GPHN: variants seen among roughly 807,000 people sequenced by gnomAD.
GPHN encodes gephyrin.
GPHN carries 17 observed loss-of-function variants against 95.5 expected under a neutral mutation model. That is an observed-to-expected ratio of 0.18 (90% CI 0.12 to 0.27). The LOEUF is 0.27. Ranked by LOEUF, GPHN falls within the 10% of genes least tolerant of loss-of-function variation. The probability of loss-of-function intolerance (pLI) is 1.00; values close to 1 mark genes in which losing one functional copy is unlikely to be tolerated. For synonymous variants in GPHN, 320 were observed against 322.5 expected (o/e 0.99, Z 0.08); for missense variants, 660 against 978.1 (o/e 0.67, Z 4.34).
intron 5 of GPHN, 65 bp from the exon 6 acceptor site, chr14:66,915,938 C>A: frequency 1.2e-6 from 1 of 865,872 alleles, no homozygotes; most frequent in East Asian, 2.4e-5. Flanking sequence ...GTTATTTGTT[C>A]TTAATGTATT....
chr14:66,867,609 A>G (rs1019222065), intron 4 of GPHN, among the ~76,000 whole-genome samples: 1 of 152,220 alleles, frequency 6.6e-6, no homozygotes, highest in Non-Finnish European at 1.5e-5. Context: ...TTAGTTTATT[A>G]TAACCCTTTT....
chr14:67,141,265 G>A (rs1441075676), intron 17 of GPHN, among the ~76,000 whole-genome samples: 1 of 152,180 alleles, frequency 6.6e-6, no homozygotes, highest in African/African-American at 2.4e-5. Flanking sequence ...AGCTATTCAG[G>A]TTGGAACCAG....
intron 1 of GPHN, among the ~76,000 whole-genome samples, chr14:66,555,612 C>T (rs1256834612): frequency 1.3e-5 from 2 of 151,632 alleles, no homozygotes; most frequent in Non-Finnish European, 2.9e-5. Context: ...TAAAGTTCAG[C>T]GATAAGACAA....
chr14:66,901,430 A>C (rs1339143136), intron 5 of GPHN, among the ~76,000 whole-genome samples: 1 of 151,776 alleles, frequency 6.6e-6, no homozygotes, highest in East Asian at 1.9e-4. Flanking sequence ...TGTGGTTTTG[A>C]AGTCTTAGAC....
chr14:66,660,420 G>A (rs879814075), intron 1 of GPHN, among the ~76,000 whole-genome samples: 1 of 152,094 alleles, frequency 6.6e-6, no homozygotes, highest in Non-Finnish European at 1.5e-5. Flanking sequence ...TCTTCCTGAT[G>A]TTCCAAGAGT....
chr14:67,151,212 T>C lies in GPHN; in HGVS notation c.1836+7763T>C, dbSNP rs763313744. On this transcript the variant is annotated intron_variant, in intron 18 of 22. Transcript: ENST00000478722. ...CAGATAAGAAACACAATAGCTTCAGTTCTACTTACAACTTGAGCTGTAAGT... is the reference window on the plus strand; with the variant it reads ...CAGATAAGAAACACAATAGCTTCAGCTCTACTTACAACTTGAGCTGTAAGT... 6.6e-5 allele frequency among the ~76,000 whole-genome samples: 10 copies of C among 152,194 alleles called. 1 individual carries two copies. Among genetic ancestry groups the C allele is most frequent in the Non-Finnish European group, 1.5e-5 (1 of 68,012 alleles).
At chr14:66,528,566 T>C (rs1278593412) in intron 1 of GPHN, among the ~76,000 whole-genome samples, 1 of 152,224 alleles carries the variant, frequency 6.6e-6, no homozygotes, top group Non-Finnish European at 1.5e-5. Context: ...GACGATGGTT[T>C]TTACAATTTG....
At chr14:66,698,896 C>A (rs1250593673) in intron 2 of GPHN, among the ~76,000 whole-genome samples, 1 of 152,112 alleles carries the variant, frequency 6.6e-6, no homozygotes, top group African/African-American at 2.4e-5. Context: ...AAAAAATCTG[C>A]AGATAAGTGG....
intron 20 of GPHN, 109 bp downstream of exon 20, chr14:67,165,335 C>T (rs1404750181): frequency 1.2e-5 from 9 of 728,780 alleles, no homozygotes; most frequent in Non-Finnish European, 2.2e-5. Flanking sequence ...GGGCTCAAGT[C>T]TCAGCTTTTC....
At chr14:66,984,243 TAAAGACC>T (rs2070873455) in intron 9 of GPHN, among the ~76,000 whole-genome samples, 1 of 152,178 alleles carries the variant, frequency 6.6e-6, no homozygotes, top group Non-Finnish European at 1.5e-5. Flanking sequence ...GCTTTTGATA[TAAAGACC>T]TCAGAAATCA....
chr14:66,572,146 T>C (rs2060719302), intron 1 of GPHN, among the ~76,000 whole-genome samples: 1 of 152,246 alleles, frequency 6.6e-6, no homozygotes, highest in Admixed American at 6.5e-5. Flanking sequence ...CATGCTGTTT[T>C]GATTACTGTA....
the GPHN span, among the ~76,000 whole-genome samples, chr14:67,665,181 A>G: frequency 6.6e-6 from 1 of 152,076 alleles, no homozygotes; most frequent in Non-Finnish European, 1.5e-5. Context: ...CCAATCCTAC[A>G]TAAGATGTAA....
the GPHN span, chr14:67,678,269 A>G: frequency 8.8e-7 from 1 of 1,134,598 alleles, no homozygotes; most frequent in East Asian, 2.4e-5. Context: ...TTTGACAAGA[A>G]GTACTGTGTA....
In GPHN at chr14:66,785,606, A is replaced by G. The variant is rs77156223; in HGVS notation, c.201+9085A>G. ...ACATTTTTTTTCAAGCACACATGAA[A>G]CATTTACCTTGGAAAACCATATCCT... On this transcript the variant is annotated intron_variant, in intron 3 of 22. Transcript: ENST00000478722. 3.1e-3 allele frequency among the ~76,000 whole-genome samples: 468 copies of G among 151,798 alleles called. 11 individuals carry two copies. Among genetic ancestry groups the G allele is most frequent in the African/African-American group, 0.011 (445 of 41,460 alleles).
At chr14:67,014,868 C>G (rs902718581) in intron 9 of GPHN, among the ~76,000 whole-genome samples, 7 of 152,100 alleles carry the variant, frequency 4.6e-5, no homozygotes, top group African/African-American at 1.7e-4. Context: ...AGAACAAGCA[C>G]CAAACCAAAA....
chr14:67,385,636 T>G, the GPHN span: 1 of 150,620 alleles, frequency 6.6e-6, no homozygotes, highest in Non-Finnish European at 1.5e-5. Flanking sequence ...GGAAGAAATA[T>G]GAATATTCAA....
intron 1 of GPHN, among the ~76,000 whole-genome samples, chr14:66,587,258 A>G (rs1253498357): frequency 2.0e-5 from 3 of 152,232 alleles, no homozygotes; most frequent in Admixed American, 2.0e-4. Flanking sequence ...CTTATGTGAA[A>G]AAGTTCAGGA....
chr14:67,643,735 C>T, the GPHN span, among the ~76,000 whole-genome samples: 1 of 151,932 alleles, frequency 6.6e-6, no homozygotes, highest in African/African-American at 2.4e-5. Context: ...GATTCAAATC[C>T]AGTGTGACTC....
intron 1 of GPHN, among the ~76,000 whole-genome samples, chr14:66,674,466 C>T (rs2066477416): frequency 6.6e-6 from 1 of 152,148 alleles, no homozygotes; most frequent in African/African-American, 2.4e-5. Flanking sequence ...CCTACCCACT[C>T]CCCTTCTAAG....
Sources: allele counts gnomAD v4.1 joint callset (sites outside exome capture counted in the v4.1 genomes callset), GRCh38; gene constraint gnomAD v4.1.1; transcripts MANE v1.5; gene names NCBI Gene and HGNC (gene_info 2026-07-23, HGNC 2026-07-21).